The following UGT8 variants were observed in gnomAD, a reference collection of about 807,000 sequenced individuals.
UGT8 encodes the protein 2-hydroxyacylsphingosine 1-beta-galactosyltransferase.
In UGT8, 12 loss-of-function variants were observed where a neutral mutation model predicts 40.5. That is an observed-to-expected ratio of 0.30 (90% CI 0.19 to 0.48). UGT8 has a LOEUF of 0.48. UGT8 is among the 20% of genes least tolerant of loss of function. The pLI, the probability that UGT8 is intolerant of heterozygous loss-of-function variation, is 0.99. For missense variants in UGT8, 513 were observed against 648.7 expected (o/e 0.79, Z 2.27); for synonymous variants, 224 against 240.4 (o/e 0.93, Z 0.63).
At chr4:114,624,731 G>T (rs549062547) in intron 2 of UGT8, among the ~76,000 whole-genome samples, 2 of 152,102 alleles carry the variant, frequency 1.3e-5, no homozygotes, top group Non-Finnish European at 2.9e-5. Context: ...AGAAATATAC[G>T]ACCTGTAGGC....
At chr4:114,642,255 T>G (rs1165799863) in intron 2 of UGT8, among the ~76,000 whole-genome samples, 2 of 152,224 alleles carry the variant, frequency 1.3e-5, no homozygotes, top group East Asian at 1.9e-4. Context: ...ATAGTGGGAC[T>G]TTCTGAGTCT....
At chr4:114,651,757 G>A (rs1438041338) in intron 2 of UGT8, among the ~76,000 whole-genome samples, 1 of 152,018 alleles carries the variant, frequency 6.6e-6, no homozygotes, top group Admixed American at 6.6e-5. Context: ...AAATACTGAA[G>A]TGTAACTTTA....
chr4:114,676,357 A>G lies in UGT8; in HGVS notation c.*69A>G. On this transcript the variant is annotated 3_prime_UTR_variant, in exon 6 of 6. Transcript: ENST00000310836. Reference sequence around the variant, plus strand: ...ATTTTTATTGCTATTATTTAGTCTAACAGCTACTAAAAGTAAAACATCAGT... The same window carrying G: ...ATTTTTATTGCTATTATTTAGTCTAGCAGCTACTAAAAGTAAAACATCAGT... 7.6e-7 allele frequency: 1 copy of G among 1,324,466 alleles called. No homozygotes were observed. The highest frequency in any genetic ancestry group is 1.0e-6 in the Non-Finnish European group (1 of 968,990). 82.0% of individuals were successfully genotyped at this position (1,324,466 alleles called of 1,614,324 possible).
intron 2 of UGT8, among the ~76,000 whole-genome samples, chr4:114,660,906 A>AAAG (rs1734488899): frequency 6.7e-6 from 1 of 149,686 alleles, no homozygotes; most frequent in Non-Finnish European, 1.5e-5. Flanking sequence ...AAAAAAAAAA[A>AAAG]AAAATTATAA....
intron 2 of UGT8, among the ~76,000 whole-genome samples, chr4:114,650,713 G>A (rs1442050871): frequency 1.3e-5 from 2 of 152,060 alleles, no homozygotes; most frequent in African/African-American, 4.8e-5. Context: ...GTCACAATCA[G>A]TCTTCAGGTT....
intron 1 of UGT8, among the ~76,000 whole-genome samples, chr4:114,607,081 T>C (rs1193542476): frequency 6.6e-6 from 1 of 152,210 alleles, no homozygotes; most frequent in African/African-American, 2.4e-5. Flanking sequence ...TACAGCTTTA[T>C]TGTAGTTTGC....
At chr4:114,636,076 A>G (rs1180435342) in intron 2 of UGT8, among the ~76,000 whole-genome samples, 1 of 152,214 alleles carries the variant, frequency 6.6e-6, no homozygotes, top group Non-Finnish European at 1.5e-5. Context: ...ATTACGGTTT[A>G]ATGGAAATCA....
Position 114,656,288 on chromosome 4 carries a change from G to GT in UGT8, c.823-7698dup, listed in dbSNP as rs200487351. On this transcript the variant is annotated intron_variant, in intron 2 of 5. Coordinates refer to ENST00000310836, the MANE Select transcript of UGT8 (RefSeq NM_001128174.3). ...AATTGAGTGTTTTCTTTTTGTTTTT[G>GT]TTTTTTTTTCTGGAAAGAAAGGAGG... 7.3e-3 allele frequency among the ~76,000 whole-genome samples: 1,093 copies of GT among 149,160 alleles called. 12 individuals are homozygous for GT. Among genetic ancestry groups the GT allele is most frequent in the African/African-American group, 0.023 (951 of 40,640 alleles).
intron 2 of UGT8, among the ~76,000 whole-genome samples, chr4:114,640,114 T>C (rs1002657923): frequency 2.0e-5 from 3 of 150,288 alleles, no homozygotes; most frequent in Non-Finnish European, 4.4e-5. Context: ...CACTGCAAGC[T>C]CCGCCTCCCG....
At chr4:114,651,340 A>T (rs192910111) in intron 2 of UGT8, among the ~76,000 whole-genome samples, 26 of 152,116 alleles carry the variant, frequency 1.7e-4, no homozygotes, top group African/African-American at 4.8e-5. Context: ...ATTTTTCCAC[A>T]ATTGGGAATA....
intron 2 of UGT8, among the ~76,000 whole-genome samples, chr4:114,633,389 A>C (rs989919046): frequency 6.6e-6 from 1 of 152,228 alleles, no homozygotes; most frequent in South Asian, 2.1e-4. Context: ...CCTCCTGAGA[A>C]AGTGGAGAGA....
intron 2 of UGT8, among the ~76,000 whole-genome samples, chr4:114,633,491 G>A (rs1168913825): frequency 1.3e-5 from 2 of 152,194 alleles, no homozygotes; most frequent in Non-Finnish European, 2.9e-5. Context: ...ATCAGTGGGG[G>A]CTGAGAAGCT....
At chr4:114,657,108 C>G (rs1734239192) in intron 2 of UGT8, among the ~76,000 whole-genome samples, 1 of 151,728 alleles carries the variant, frequency 6.6e-6, no homozygotes, top group African/African-American at 2.4e-5. Context: ...AGTTTCACCT[C>G]CGTTTATTAT....
chr4:114,674,589 A>C (rs114862516), intron 5 of UGT8, among the ~76,000 whole-genome samples: 1,657 of 152,326 alleles, frequency 0.011, 29 homozygotes, highest in African/African-American at 0.036. Flanking sequence ...ATATCTTGTC[A>C]TTCAGAATAC....
At position 114,676,256 on chromosome 4, in the gene UGT8, G is replaced by T; in HGVS notation, c.1594G>T (p.Gly532Cys). ...CCTCAATGGCAAGTACAAAAGAAAT[G>T]GCCATATTAAACATGAAAAGAAAGT... ...GILNGKYKRN[G>C]HIKHEKKVK The change falls in exon 6 of 6, where the codon GGC becomes TGC. Residue 532 changes from glycine (G) to cysteine (C), a missense_variant. Gly to Cys is a radical substitution (Grantham distance 159). Around this residue, in one of 3 missense-constraint regions of UGT8, gnomAD observed 175 missense variants for 186.7 expected, o/e 0.94. Transcript: ENST00000310836. 3.8e-6 allele frequency: 6 copies of T among 1,599,180 alleles called. No individual in the cohort carries two copies. The highest frequency in any genetic ancestry group is 5.1e-6 in the Non-Finnish European group (6 of 1,172,682).
intron 1 of UGT8, among the ~76,000 whole-genome samples, chr4:114,608,063 A>T (rs1730835912): frequency 6.6e-6 from 1 of 151,940 alleles, no homozygotes; most frequent in Non-Finnish European, 1.5e-5. Context: ...TTCTGATCAG[A>T]CTTATTTATT....
At chr4:114,599,545 G>C (rs1054541023) in intron 1 of UGT8, among the ~76,000 whole-genome samples, 1 of 152,184 alleles carries the variant, frequency 6.6e-6, no homozygotes, top group Non-Finnish European at 1.5e-5. Flanking sequence ...GAGACTTTTC[G>C]GGGCCCGCCG....
At chr4:114,617,536 C>A (rs2126093787) in intron 1 of UGT8, among the ~76,000 whole-genome samples, 1 of 152,196 alleles carries the variant, frequency 6.6e-6, no homozygotes, top group Non-Finnish European at 1.5e-5. Context: ...TTTGTACATT[C>A]TTTGAATTTT....
In UGT8 at chr4:114,676,399, C is replaced by A. The variant is rs1047871406; in HGVS notation, c.*111C>A. 8 of 897,414 alleles carry A rather than the reference C, an allele frequency of 8.9e-6. No individual in the cohort carries two copies. In the Admixed American group the frequency reaches 2.1e-4, roughly 24 times the overall value. The allele number at this position is 897,414 out of a possible 1,614,324, so 55.6% of individuals were successfully genotyped here. On this transcript the variant is annotated 3_prime_UTR_variant, in exon 6 of 6. Coordinates refer to ENST00000310836, the MANE Select transcript of UGT8 (RefSeq NM_001128174.3). ...AACATCAGTAAACAATTCTAACATG[C>A]CCTTATGAGATCTACTAATGAAATT...
Sources: gnomAD v4.1 joint callset for allele counts (sites outside exome capture counted in the v4.1 genomes callset) on GRCh38, gnomAD v4.1.1 for gene constraint, gnomAD v4.1.1 regional missense constraint, MANE v1.5 for transcripts, NCBI Gene and HGNC (gene_info 2026-07-23, HGNC 2026-07-21) for gene names.